TNIK: variants seen among roughly 807,000 people sequenced by gnomAD.
TNIK encodes TRAF2 and NCK interacting kinase.
In TNIK, 49 loss-of-function variants were observed where a neutral mutation model predicts 191.3. The observed-to-expected ratio is 0.26, with a 90% CI of 0.20 to 0.32. TNIK has a LOEUF of 0.32. Among genes scored for constraint, TNIK ranks in the 10% least tolerant of loss-of-function variants. TNIK has a pLI of 1.00. For missense variants in TNIK, 1,155 were observed against 1,702.3 expected (o/e 0.68, Z 5.66); for synonymous variants, 594 against 600.9 (o/e 0.99, Z 0.17).
At position 171,278,613 on chromosome 3, in the gene TNIK, G is replaced by A. The variant is rs192460657; in HGVS notation, c.124-50392C>T. Among the ~76,000 whole-genome samples the A allele has an allele frequency of 7.7e-4, 117 of 152,214 alleles. 1 individual carries two copies. The East Asian group carries it at 0.021, about 27-fold the overall frequency. ...ACCTGGAGGTAAATCCAATTCATGG[G>A]AAGACCAAATAGGAAAGTAAGTGAT... On this transcript the variant is annotated intron_variant, in intron 2 of 32. Coordinates refer to ENST00000436636, the MANE Select transcript of TNIK (RefSeq NM_015028.4).
intron 18 of TNIK, among the ~76,000 whole-genome samples, chr3:171,119,122 G>A (rs1293059021): frequency 1.3e-5 from 2 of 152,158 alleles, no homozygotes; most frequent in Admixed American, 1.3e-4. Flanking sequence ...CCATCAACAA[G>A]TGGGCAAAGG....
intron 2 of TNIK, among the ~76,000 whole-genome samples, chr3:171,294,721 C>CAATAATAAT (rs969776310): frequency 2.0e-5 from 3 of 151,254 alleles, no homozygotes; most frequent in African/African-American, 7.3e-5. Flanking sequence ...AACTCCATCT[C>CAATAATAAT]AATAATAATA....
chr3:171,073,531 T>C (rs1156976245), intron 28 of TNIK, among the ~76,000 whole-genome samples: 6 of 152,138 alleles, frequency 3.9e-5, no homozygotes, highest in Non-Finnish European at 8.8e-5. Context: ...TGGGACTTAA[T>C]TAATAAGCTA....
At chr3:171,104,074 A>C (rs376482815) in intron 21 of TNIK, among the ~76,000 whole-genome samples, 1 of 151,676 alleles carries the variant, frequency 6.6e-6, no homozygotes, top group Non-Finnish European at 1.5e-5. Context: ...AATTAAACTT[A>C]AAGGAAATTT....
At chr3:171,240,818 A>G (rs554757928) in intron 2 of TNIK, among the ~76,000 whole-genome samples, 1 of 152,132 alleles carries the variant, frequency 6.6e-6, no homozygotes, top group South Asian at 2.1e-4. Flanking sequence ...CAAACTATAC[A>G]GTTTATTTAT....
intron 1 of TNIK, among the ~76,000 whole-genome samples, chr3:171,447,212 A>G (rs1727619774): frequency 6.6e-6 from 1 of 151,982 alleles, no homozygotes. Context: ...TAAATAAATA[A>G]ATAAACAAAC....
intron 1 of TNIK, among the ~76,000 whole-genome samples, chr3:171,446,640 C>A (rs1177716100): frequency 2.0e-5 from 3 of 152,164 alleles, no homozygotes; most frequent in African/African-American, 7.2e-5. Context: ...CTTCTATTTT[C>A]TCCATTAGAA....
At chr3:171,238,497 G>C (rs2109027409) in intron 2 of TNIK, among the ~76,000 whole-genome samples, 1 of 152,078 alleles carries the variant, frequency 6.6e-6, no homozygotes, top group Middle Eastern at 3.4e-3. Context: ...CTTCCCAGGG[G>C]ACATCTGATG....
At chr3:171,143,742 AT>A (rs1263585706) in intron 12 of TNIK, among the ~76,000 whole-genome samples, 1 of 152,152 alleles carries the variant, frequency 6.6e-6, no homozygotes. Flanking sequence ...CACCAGTGAT[AT>A]TTGTTGTGTT....
chr3:171,155,472 A>T (rs1455279263), intron 12 of TNIK, among the ~76,000 whole-genome samples: 1 of 152,242 alleles, frequency 6.6e-6, no homozygotes, highest in Non-Finnish European at 1.5e-5. Flanking sequence ...TCTGGTATGG[A>T]GCCAAGGCTC....
chr3:171,338,659 G>GTTT (rs76315440), intron 2 of TNIK, among the ~76,000 whole-genome samples: 1 of 126,818 alleles, frequency 7.9e-6, no homozygotes, highest in African/African-American at 2.9e-5. Flanking sequence ...CAGCTAAGTT[G>GTTT]TTTTTTTTTT....
At chr3:171,066,837 T>C (rs1165577754) in intron 30 of TNIK, 102 bp from the exon 31 acceptor site, 1 of 1,386,422 alleles carries the variant, frequency 7.2e-7, no homozygotes, top group Non-Finnish European at 9.7e-7. Flanking sequence ...TTTATTTTCA[T>C]TGTCACCCTA....
chr3:171,428,670 G>A (rs1724964313), intron 1 of TNIK, among the ~76,000 whole-genome samples: 1 of 149,782 alleles, frequency 6.7e-6, no homozygotes, highest in African/African-American at 2.5e-5. Context: ...CTCCCGCAGG[G>A]CAACCAGCAT....
intron 1 of TNIK, among the ~76,000 whole-genome samples, chr3:171,407,938 C>T (rs1721919276): frequency 6.6e-6 from 1 of 152,152 alleles, no homozygotes; most frequent in Admixed American, 6.5e-5. Flanking sequence ...TCTGAGTCAG[C>T]TTTCATAACC....
chr3:171,360,656 G>A (rs567640865), intron 2 of TNIK, among the ~76,000 whole-genome samples: 1 of 152,312 alleles, frequency 6.6e-6, no homozygotes, highest in African/African-American at 2.4e-5. Context: ...CTTCACCTCA[G>A]GTTATTGACC....
chr3:171,359,861 T>G (rs1714708501), intron 2 of TNIK, among the ~76,000 whole-genome samples: 1 of 152,180 alleles, frequency 6.6e-6, no homozygotes, highest in African/African-American at 2.4e-5. Context: ...GTGCCTGTAA[T>G]CCTGGCGGGG....
At chr3:171,423,512 C>A (rs973510134) in intron 1 of TNIK, among the ~76,000 whole-genome samples, 5 of 152,092 alleles carry the variant, frequency 3.3e-5, no homozygotes, top group African/African-American at 7.3e-5. Context: ...CAAAAAAGAG[C>A]CCGCATTGCC....
In TNIK at chr3:171,092,138, C is replaced by T. The variant is rs190865674; in HGVS notation, c.2721+1701G>A. On this transcript the variant is annotated intron_variant, in intron 23 of 32. Coordinates refer to ENST00000436636, the MANE Select transcript of TNIK (RefSeq NM_015028.4). ...CTAATTTTTTTATTTTTAGTAGAGA[C>T]GGGATTTCACTGTGTTAGCCAGGAT... Among the ~76,000 whole-genome samples, 146 of 151,942 alleles carry T rather than the reference C, an allele frequency of 9.6e-4. 1 individual carries two copies. In the East Asian group the frequency reaches 0.028, roughly 29 times the overall value.
chr3:171,204,025 T>C (rs75413060), intron 4 of TNIK, among the ~76,000 whole-genome samples: 3,110 of 152,334 alleles, frequency 0.02, 106 homozygotes, highest in African/African-American at 0.072. Context: ...TGAGTTCACA[T>C]TGTAATTTTT....
Sources: allele counts gnomAD v4.1 joint callset (sites outside exome capture counted in the v4.1 genomes callset), GRCh38; gene constraint gnomAD v4.1.1; transcripts MANE v1.5; gene names NCBI Gene and HGNC (gene_info 2026-07-23, HGNC 2026-07-21).